Variants in ITGA2 observed in about 807,000 individuals in gnomAD.
The protein encoded by ITGA2 is integrin alpha-2.
A neutral mutation model predicts 146.3 loss-of-function variants in ITGA2; 101 were observed. The ratio of observed to expected loss-of-function variants is 0.69; its 90% confidence interval spans 0.59 to 0.81. The LOEUF (loss-of-function observed/expected upper bound fraction) is 0.81, where lower values mean the gene tolerates loss of function less well. ITGA2 is among the 40% of genes least tolerant of loss of function. ITGA2 has a pLI of 0.00. For missense variants in ITGA2, 1,281 were observed against 1,402.7 expected (o/e 0.91, Z 1.39); for synonymous variants, 477 against 487.1 (o/e 0.98, Z 0.27).
At chr5:53,026,708 T>C in intron 1 of ITGA2, 40 bp from the exon 2 acceptor site, 2 of 1,556,998 alleles carry the variant, frequency 1.3e-6, no homozygotes, top group Non-Finnish European at 1.8e-6. Flanking sequence ...CTTATATTCA[T>C]GAATTGTAAA....
At chr5:53,003,941 C>A (rs62357203) in intron 1 of ITGA2, among the ~76,000 whole-genome samples, 1 of 151,992 alleles carries the variant, frequency 6.6e-6, no homozygotes, top group African/African-American at 2.4e-5. Context: ...AGAGACCATG[C>A]GAGGCCCCAT....
chr5:53,036,702 T>C (rs1051802576), intron 2 of ITGA2, among the ~76,000 whole-genome samples: 1 of 152,174 alleles, frequency 6.6e-6, no homozygotes, highest in Admixed American at 6.5e-5. Flanking sequence ...TACTTACTTA[T>C]TACATTTACT....
rs186339569 is a variant in ITGA2, at chr5:52,993,502, G to A, written c.64+3970G>A. Among the ~76,000 whole-genome samples, 8 of 152,244 alleles carry A rather than the reference G, an allele frequency of 5.3e-5. No homozygotes were observed. The East Asian group carries it at 1.4e-3, about 26-fold the overall frequency. On this transcript the variant is annotated intron_variant, in intron 1 of 29. Transcript: ENST00000296585. ...AGTGTTACCTACCCCTTACCACCTTGTGGGATGATCACCAAGACAGGTAGA... is the reference window on the plus strand; with the variant it reads ...AGTGTTACCTACCCCTTACCACCTTATGGGATGATCACCAAGACAGGTAGA...
At position 53,072,047 on chromosome 5, in the gene ITGA2, G is replaced by A. The variant is rs768881108; in HGVS notation, c.2345G>A (p.Ser782Asn). The A allele has an allele frequency of 1.2e-6, 2 of 1,601,798 alleles. No homozygotes were observed. Among genetic ancestry groups the A allele is most frequent in the Admixed American group, 3.3e-5 (2 of 59,776 alleles). Reference protein sequence around the residue: ...EAYSETAKVFSIPFHKDCGED... With the variant: ...EAYSETAKVFNIPFHKDCGED... ...TATTCTGAGACTGCCAAGGTCTTCA[G>A]TGTAAGTGCAGCTTACACTTCCTGG... Residue 782 changes from serine to asparagine, a missense_variant and splice_region_variant, in exon 18 of 30, where the codon AGT becomes AAT. By Grantham distance (46) the Ser-to-Asn change is conservative. Around this residue, in one of 3 missense-constraint regions of ITGA2, gnomAD observed 475 missense variants for 530.5 expected, o/e 0.90. Transcript: ENST00000296585.
chr5:53,048,574 T>G (rs1744203239), intron 5 of ITGA2, 69 bp from the exon 6 acceptor site: 1 of 1,612,350 alleles, frequency 6.2e-7, no homozygotes, highest in Non-Finnish European at 8.5e-7. Flanking sequence ...TCCTTAAGTC[T>G]CATTTTTATA....
chr5:53,050,864 T>C (rs1357151446), intron 6 of ITGA2, among the ~76,000 whole-genome samples: 1 of 152,222 alleles, frequency 6.6e-6, no homozygotes, highest in Non-Finnish European at 1.5e-5. Flanking sequence ...CCAGTGTTGT[T>C]GAAGCCCATA....
intron 1 of ITGA2, among the ~76,000 whole-genome samples, chr5:52,998,764 A>G (rs942118207): frequency 6.6e-6 from 1 of 152,082 alleles, no homozygotes; most frequent in Admixed American, 6.5e-5. Flanking sequence ...TATCATCTTC[A>G]CTTGTATCAA....
chr5:53,091,645 G>A lies in ITGA2; in HGVS notation c.*1046G>A, dbSNP rs1479979143. The A allele has an allele frequency of 6.6e-6, 1 of 152,200 alleles. No homozygotes were observed. Among genetic ancestry groups the A allele is most frequent in the Non-Finnish European group, 1.5e-5 (1 of 68,094 alleles). The allele number at this position is 152,200 out of a possible 1,614,324, so 9.4% of individuals were successfully genotyped here. On this transcript the variant is annotated 3_prime_UTR_variant, in exon 30 of 30. Transcript: ENST00000296585. ...TCCCCTCCTTTACCCCTCATCCAAA[G>A]TTCCCACTCCTTCAGGACAGCTGCT...
intron 13 of ITGA2, among the ~76,000 whole-genome samples, chr5:53,063,245 TTCTCTAGTATCACATGTAATTTTTTGCG>T (rs1744982808): frequency 6.6e-6 from 1 of 151,932 alleles, no homozygotes; most frequent in Admixed American, 6.6e-5. Context: ...ATTTGTGTAT[TTCTCTAGTATCACATGTAATTTTTTGCG>T]ATAAAGACAA....
chr5:53,005,900 C>A (rs1741824507), intron 1 of ITGA2, among the ~76,000 whole-genome samples: 1 of 152,148 alleles, frequency 6.6e-6, no homozygotes, highest in Admixed American at 6.6e-5. Flanking sequence ...ATACTACTGG[C>A]TTTGCTCAGT....
chr5:53,041,824 A>G (rs1474604431), intron 2 of ITGA2, among the ~76,000 whole-genome samples: 2 of 152,178 alleles, frequency 1.3e-5, no homozygotes, highest in Non-Finnish European at 2.9e-5. Context: ...GGCTACTAGA[A>G]AATTTGAAAT....
At chr5:53,053,538 A>G (rs1216220793) in intron 7 of ITGA2, among the ~76,000 whole-genome samples, 1 of 152,132 alleles carries the variant, frequency 6.6e-6, no homozygotes, top group East Asian at 1.9e-4. Context: ...CCCTGGAAGG[A>G]GCCTGGGGCC....
intron 1 of ITGA2, among the ~76,000 whole-genome samples, chr5:53,010,877 G>C (rs949679164): frequency 5.9e-5 from 9 of 152,060 alleles, no homozygotes; most frequent in African/African-American, 1.9e-4. Context: ...ATCTGGGTGA[G>C]AGCTAAATCC....
At chr5:52,991,779 A>C (rs1310903787) in intron 1 of ITGA2, among the ~76,000 whole-genome samples, 2 of 152,184 alleles carry the variant, frequency 1.3e-5, no homozygotes. Context: ...AAATGTACTC[A>C]TAGTTTAGTC....
In ITGA2 at chr5:52,998,266, AC is replaced by A. The variant is rs199835111; in HGVS notation, c.64+8735del. On this transcript the variant is annotated intron_variant, in intron 1 of 29. Transcript: ENST00000296585. ...CAGGAGTTCAAGACCAGCTTGGCCAACATGGTGAAACCCTGTCTCTACTAAA... is the reference window on the plus strand; with the variant it reads ...CAGGAGTTCAAGACCAGCTTGGCCAAATGGTGAAACCCTGTCTCTACTAAA... Among the ~76,000 whole-genome samples, 765 of 152,180 alleles carry A rather than the reference AC, an allele frequency of 5.0e-3. 6 individuals carry two copies. Among genetic ancestry groups the A allele is most frequent in the African/African-American group, 0.017 (695 of 41,548 alleles).
Position 53,083,412 on chromosome 5 carries a change from G to A in ITGA2, c.3217G>A (p.Val1073Ile), listed in dbSNP as rs571300189. The change falls in exon 27 of 30, where the codon GTT becomes ATT. Residue 1073 changes from valine (V) to isoleucine (I), a missense_variant. Val to Ile is a conservative substitution (Grantham distance 29). This residue lies in a region of ITGA2 where 475 missense variants were observed against 530.5 expected (regional missense o/e 0.90). Coordinates refer to ENST00000296585, the MANE Select transcript of ITGA2 (RefSeq NM_002203.4). ...CGTTCACATGAAAGGAGAATACTTTGTTAATGTGACTACCAGAATTTGGAA... is the reference window on the plus strand; with the variant it reads ...CGTTCACATGAAAGGAGAATACTTTATTAATGTGACTACCAGAATTTGGAA... ...KDVHMKGEYFVNVTTRIWNGT... is the reference protein window; with the variant it reads ...KDVHMKGEYFINVTTRIWNGT... The A allele has an allele frequency of 2.5e-5, 40 of 1,612,958 alleles. 1 individual carries two copies. The South Asian group carries it at 4.2e-4, about 17-fold the overall frequency.
chr5:52,994,053 C>CT (rs1218403712), intron 1 of ITGA2, among the ~76,000 whole-genome samples: 7 of 152,162 alleles, frequency 4.6e-5, no homozygotes, highest in African/African-American at 1.7e-4. Context: ...ACAATAGACT[C>CT]TGTGTATGAC....
intron 11 of ITGA2, 115 bp from the exon 12 acceptor site, chr5:53,060,786 A>G (rs1311550903): frequency 1.0e-6 from 1 of 981,910 alleles, no homozygotes; most frequent in African/African-American, 1.6e-5. Context: ...GGAGCACTAG[A>G]AACTTTGCAT....
Position 53,078,865 on chromosome 5 carries a change from C to G in ITGA2, c.2919C>G (p.Phe973Leu). ...AAGATGTTGGTCCAAAATTCATCTT[C>G]TCCCTGAAGGTTGGTAAGCCTGTCA... ...SFEDVGPKFIFSLKVTTGSVP... is the reference protein window; with the variant it reads ...SFEDVGPKFILSLKVTTGSVP... The change falls in exon 24 of 30, where the codon TTC becomes TTG. Residue 973 changes from phenylalanine to leucine, a missense_variant. Phe to Leu is a conservative substitution (Grantham distance 22). Transcript: ENST00000296585. The G allele has an allele frequency of 6.3e-7, 1 of 1,593,800 alleles. No homozygotes were observed. The highest frequency in any genetic ancestry group is 1.1e-5 in the South Asian group (1 of 90,664).
Sources: gnomAD v4.1 joint callset for allele counts (sites outside exome capture counted in the v4.1 genomes callset) on GRCh38, gnomAD v4.1.1 for gene constraint, gnomAD v4.1.1 regional missense constraint, MANE v1.5 for transcripts, NCBI Gene and HGNC (gene_info 2026-07-23, HGNC 2026-07-21) for gene names.